The following DCLK1 variants were observed in gnomAD, a reference collection of about 807,000 sequenced individuals.
DCLK1 encodes doublecortin like kinase 1, also known as serine/threonine-protein kinase DCLK1.
A neutral mutation model predicts 86.2 loss-of-function variants in DCLK1; 16 were observed. The ratio of observed to expected loss-of-function variants is 0.19; its 90% CI spans 0.13 to 0.28. The LOEUF (loss-of-function observed/expected upper bound fraction) is 0.28, where lower values mean the gene tolerates loss of function less well. DCLK1 is among the 10% of genes least tolerant of loss of function. The pLI, the probability that DCLK1 is intolerant of heterozygous loss-of-function variation, is 1.00. For missense variants in DCLK1, 590 were observed against 940.2 expected, an observed-to-expected ratio of 0.63 and a Z score of 4.87; for synonymous variants, 369 against 370.5, an observed-to-expected ratio of 1.00 and a Z score of 0.05.
chr13:35,847,345 C>T (rs1266872553), intron 6 of DCLK1: 3 of 984,900 alleles, frequency 3.0e-6, no homozygotes, highest in African/African-American at 1.7e-5. Context: ...TATAATTCCA[C>T]AAGAGCCAGT....
intron 3 of DCLK1, among the ~76,000 whole-genome samples, chr13:36,071,086 T>G (rs1308640796): frequency 6.6e-6 from 1 of 152,138 alleles, no homozygotes; most frequent in African/African-American, 2.4e-5. Context: ...CATAATAGAA[T>G]GCACATTTCT....
intron 3 of DCLK1, among the ~76,000 whole-genome samples, chr13:36,046,891 A>T (rs1416793625): frequency 6.6e-6 from 1 of 152,214 alleles, no homozygotes; most frequent in Non-Finnish European, 1.5e-5. Context: ...AGTGAAAATC[A>T]GCTGTTTCCT....
At chr13:35,938,640 G>T (rs1289114198) in intron 4 of DCLK1, among the ~76,000 whole-genome samples, 2 of 150,762 alleles carry the variant, frequency 1.3e-5, no homozygotes. Flanking sequence ...AAAAAAAAAA[G>T]CCCTAGCGGA....
chr13:36,062,921 C>T (rs1312358603), intron 3 of DCLK1, among the ~76,000 whole-genome samples: 3 of 152,206 alleles, frequency 2.0e-5, no homozygotes, highest in Non-Finnish European at 4.4e-5. Context: ...GTGTCATCTG[C>T]AAACTTAATG....
At chr13:36,067,091 A>G (rs1204119497) in intron 3 of DCLK1, among the ~76,000 whole-genome samples, 8 of 141,438 alleles carry the variant, frequency 5.7e-5, no homozygotes, top group African/African-American at 7.9e-5. Flanking sequence ...TCATGCTGCT[A>G]TAAAGACACA....
intron 3 of DCLK1, among the ~76,000 whole-genome samples, chr13:35,959,854 CGT>C (rs67600362): frequency 0.034 from 5,105 of 149,292 alleles, 136 homozygotes; most frequent in African/African-American, 0.07. Context: ...TACAGCAAGT[CGT>C]GTGTGTGTGT....
intron 2 of DCLK1, among the ~76,000 whole-genome samples, chr13:36,120,585 T>A (rs551465690): frequency 1.4e-4 from 21 of 152,048 alleles, no homozygotes; most frequent in Non-Finnish European, 2.5e-4. Flanking sequence ...TCAGAACATA[T>A]CCACACTATT....
chr13:36,087,626 T>C (rs2138127872), intron 3 of DCLK1, among the ~76,000 whole-genome samples: 1 of 152,266 alleles, frequency 6.6e-6, no homozygotes, highest in East Asian at 1.9e-4. Context: ...ACAGGCCATG[T>C]GGATTGCTGG....
intron 3 of DCLK1, among the ~76,000 whole-genome samples, chr13:36,104,502 A>G (rs2023082204): frequency 6.6e-6 from 1 of 152,186 alleles, no homozygotes; most frequent in Non-Finnish European, 1.5e-5. Flanking sequence ...GATAGGAAAT[A>G]TTTCATAGAC....
At chr13:35,941,358 T>C (rs1877071630) in intron 4 of DCLK1, among the ~76,000 whole-genome samples, 1 of 151,996 alleles carries the variant, frequency 6.6e-6, no homozygotes, top group Non-Finnish European at 1.5e-5. Flanking sequence ...CCCAGGAAAA[T>C]GGTTAGAATA....
At chr13:35,822,584 A>G (rs2087421656) in intron 11 of DCLK1, 145 bp downstream of exon 11, 2 of 1,131,438 alleles carry the variant, frequency 1.8e-6, no homozygotes, top group African/African-American at 1.6e-5. Context: ...CTAAAAGGCT[A>G]GTTTCCAACT....
chr13:35,856,428 T>C (rs529867266), intron 5 of DCLK1, among the ~76,000 whole-genome samples: 3 of 152,316 alleles, frequency 2.0e-5, no homozygotes, highest in African/African-American at 7.2e-5. Context: ...GTGAATATAA[T>C]ATTTTCTTTA....
intron 4 of DCLK1, among the ~76,000 whole-genome samples, chr13:35,882,737 T>TGAA (rs1382291313): frequency 7.4e-4 from 112 of 152,338 alleles, no homozygotes; most frequent in African/African-American, 2.3e-3. Flanking sequence ...GTTCTGTTCA[T>TGAA]ACCTCCACAC....
chr13:36,016,194 C>T (rs1881531810), intron 3 of DCLK1, among the ~76,000 whole-genome samples: 1 of 152,138 alleles, frequency 6.6e-6, no homozygotes, highest in South Asian at 2.1e-4. Context: ...TAACCCCAGG[C>T]ACAGACTAAT....
At chr13:35,970,257 C>G (rs2153139287) in intron 3 of DCLK1, among the ~76,000 whole-genome samples, 1 of 152,298 alleles carries the variant, frequency 6.6e-6, no homozygotes, top group Non-Finnish European at 1.5e-5. Flanking sequence ...TTGTGAAAAG[C>G]AATATCAGAA....
intron 3 of DCLK1, among the ~76,000 whole-genome samples, chr13:35,981,639 C>T (rs1399146537): frequency 6.6e-6 from 1 of 152,220 alleles, no homozygotes; most frequent in Non-Finnish European, 1.5e-5. Flanking sequence ...CTTTTTAAAG[C>T]TGAATAATCA....
intron 15 of DCLK1, among the ~76,000 whole-genome samples, chr13:35,795,380 A>C (rs1369081482): frequency 6.6e-6 from 1 of 152,222 alleles, no homozygotes; most frequent in Non-Finnish European, 1.5e-5. Context: ...TACCCAAAAG[A>C]TCCCAGAATT....
At chr13:35,983,730 A>G (rs955193268) in intron 3 of DCLK1, among the ~76,000 whole-genome samples, 2 of 152,258 alleles carry the variant, frequency 1.3e-5, no homozygotes, top group African/African-American at 2.4e-5. Flanking sequence ...CCATAAATGC[A>G]TACACCTACT....
intron 15 of DCLK1, among the ~76,000 whole-genome samples, chr13:35,793,735 A>C (rs1321845957): frequency 6.6e-6 from 1 of 152,052 alleles, no homozygotes; most frequent in Non-Finnish European, 1.5e-5. Flanking sequence ...TAAAAAAAAA[A>C]ATTTCTGTTT....
Sources: gnomAD v4.1 joint callset for allele counts (sites outside exome capture counted in the v4.1 genomes callset) on GRCh38, gnomAD v4.1.1 for gene constraint, MANE v1.5 for transcripts, NCBI Gene and HGNC (gene_info 2026-07-23, HGNC 2026-07-21) for gene names.